The following IMMP2L variants were observed in gnomAD, a reference collection of about 807,000 sequenced individuals.
The protein encoded by IMMP2L is mitochondrial inner membrane protease subunit 2.
A neutral mutation model predicts 19.3 loss-of-function variants in IMMP2L; 18 were observed. The ratio of observed to expected loss-of-function variants is 0.93; its 90% confidence interval spans 0.64 to 1.38. The LOEUF is 1.38. IMMP2L is among the 40% of genes most tolerant of loss of function. The pLI is 0.00. For synonymous variants in IMMP2L, 76 were observed against 73.0 expected (o/e 1.04, Z -0.21); for missense variants, 233 against 218.2 (o/e 1.07, Z -0.43).
At chr7:111,121,500 C>G in intron 3 of IMMP2L, among the ~76,000 whole-genome samples, 1 of 152,236 alleles carries the variant, frequency 6.6e-6, no homozygotes, top group African/African-American at 2.4e-5. Context: ...CACTGGCCAT[C>G]AGAGAAATGC....
chr7:111,342,999 A>G, intron 3 of IMMP2L, among the ~76,000 whole-genome samples: 1 of 152,078 alleles, frequency 6.6e-6, no homozygotes, highest in East Asian at 1.9e-4. Context: ...TTCAGTGAGG[A>G]CCTGTTTATA....
rs143884565 is a variant in IMMP2L at position 111,515,971 on chromosome 7, A to G, written c.135+5342T>C. The stretch of plus-strand genomic sequence containing the variant: ...TATAAACAGGCACCAAAACAGTGAC[A>G]AGGCACAACTTTTATTAGTTATTAT... On this transcript the variant is annotated intron_variant, in intron 2 of 5. Coordinates refer to ENST00000405709, the MANE Select transcript of IMMP2L (RefSeq NM_032549.4). Among the ~76,000 whole-genome samples, 669 of 152,248 alleles carry G rather than the reference A, an allele frequency of 4.4e-3. 20 individuals are homozygous for G. Among genetic ancestry groups the G allele is most frequent in the Admixed American group, 0.039 (590 of 15,270 alleles).
At chr7:110,946,718 C>CTTTTT (rs754971058) in intron 4 of IMMP2L, among the ~76,000 whole-genome samples, 1,168 of 114,056 alleles carry the variant, frequency 0.01, 42 homozygotes, top group African/African-American at 0.02. Context: ...CATTTAATAC[C>CTTTTT]TTTTTTTTTT....
chr7:110,744,844 C>T (rs963334060), intron 5 of IMMP2L, among the ~76,000 whole-genome samples: 1 of 152,160 alleles, frequency 6.6e-6, no homozygotes, highest in Non-Finnish European at 1.5e-5. Flanking sequence ...GCTTCTTCTC[C>T]TCCAAAGGAT....
Position 110,712,955 on chromosome 7 carries a change from G to A in IMMP2L, c.409-49234C>T, listed in dbSNP as rs183966442. Among the ~76,000 whole-genome samples the A allele has an allele frequency of 5.1e-3, 767 of 151,002 alleles. 5 individuals are homozygous for A. The highest frequency in any genetic ancestry group is 0.012 in the Admixed American group (183 of 15,186). ...ACCCGGTACCTCAGATGGAAATGCAGAAATCACCCGTCTTCTGCGTCACTC... is the reference window on the plus strand; with the variant it reads ...ACCCGGTACCTCAGATGGAAATGCAAAAATCACCCGTCTTCTGCGTCACTC... On this transcript the variant is annotated intron_variant, in intron 5 of 5. Coordinates refer to ENST00000405709, the MANE Select transcript of IMMP2L (RefSeq NM_032549.4).
intron 3 of IMMP2L, among the ~76,000 whole-genome samples, chr7:111,268,569 C>CCTTTTTTT (rs1818082378): frequency 2.2e-5 from 1 of 44,562 alleles, no homozygotes; most frequent in Non-Finnish European, 3.8e-5. Context: ...TCACATTTCT[C>CCTTTTTTT]TTTTTTTTTT....
At chr7:111,039,541 TA>T (rs1791678641) in intron 3 of IMMP2L, among the ~76,000 whole-genome samples, 1 of 152,144 alleles carries the variant, frequency 6.6e-6, no homozygotes, top group South Asian at 2.1e-4. Context: ...CAAGTATAGA[TA>T]GCGCAATTCA....
rs1027209602 is a variant in IMMP2L at position 111,493,429 on chromosome 7, G to A, written c.136-6088C>T. Among the ~76,000 whole-genome samples, 7 of 152,104 alleles carry A rather than the reference G, an allele frequency of 4.6e-5. No homozygotes were observed. In the South Asian group the frequency reaches 6.2e-4, roughly 14 times the overall value. ...TAAAAAGAAAAAAAACAGGCCGGGC[G>A]CAGTGGCTCACGCCTGTAATCCCAG... On this transcript the variant is annotated intron_variant, in intron 2 of 5. Coordinates refer to ENST00000405709, the MANE Select transcript of IMMP2L (RefSeq NM_032549.4).
intron 3 of IMMP2L, among the ~76,000 whole-genome samples, chr7:111,242,453 C>T (rs570139861): frequency 6.6e-6 from 1 of 152,152 alleles, no homozygotes; most frequent in East Asian, 1.9e-4. Flanking sequence ...AACTACATCA[C>T]AACACTTCAC....
intron 3 of IMMP2L, among the ~76,000 whole-genome samples, chr7:111,096,589 C>G (rs993355743): frequency 1.3e-5 from 2 of 151,214 alleles, no homozygotes; most frequent in Admixed American, 6.6e-5. Flanking sequence ...ACCTACTCAT[C>G]CATATGTTTG....
chr7:111,036,351 T>C lies in IMMP2L; in HGVS notation c.240-72786A>G, dbSNP rs537887235. On this transcript the variant is annotated intron_variant, in intron 3 of 5. Transcript: ENST00000405709. ...AAAGCCCCAGGTAAGTCATCTCCCC[T>C]TTGGGGCCTCAGCTTTCTCATTCTT... is the stretch of plus-strand genomic sequence containing the variant. Among the ~76,000 whole-genome samples the C allele has an allele frequency of 3.3e-5, 5 of 152,292 alleles. 1 individual carries two copies. The highest frequency in any genetic ancestry group is 1.2e-4 in the African/African-American group (5 of 41,580).
intron 3 of IMMP2L, among the ~76,000 whole-genome samples, chr7:111,004,775 T>G (rs1246590430): frequency 1.3e-5 from 2 of 152,188 alleles, no homozygotes; most frequent in African/African-American, 2.4e-5. Context: ...GGGCATGATT[T>G]TTCTGTTACT....
intron 4 of IMMP2L, among the ~76,000 whole-genome samples, chr7:110,900,872 T>C (rs1262210028): frequency 1.3e-5 from 2 of 152,078 alleles, no homozygotes; most frequent in Non-Finnish European, 2.9e-5. Context: ...TGGGAATTAC[T>C]GTCTTATACC....
At chr7:110,978,016 G>A (rs1007810688) in intron 3 of IMMP2L, among the ~76,000 whole-genome samples, 7 of 151,808 alleles carry the variant, frequency 4.6e-5, no homozygotes, top group Non-Finnish European at 1.0e-4. Context: ...TGTTCCTCAC[G>A]AAAAACTAGG....
intron 3 of IMMP2L, among the ~76,000 whole-genome samples, chr7:111,129,881 A>C (rs916043253): frequency 6.6e-6 from 1 of 152,216 alleles, no homozygotes; most frequent in African/African-American, 2.4e-5. Context: ...TCCAATTATA[A>C]GAAAAATTAT....
intron 3 of IMMP2L, among the ~76,000 whole-genome samples, chr7:111,375,517 G>A (rs77430069): frequency 0.021 from 3,261 of 151,696 alleles, 122 homozygotes; most frequent in African/African-American, 0.075. Context: ...GATTTCCTGA[G>A]TTTGGTAAAA....
At chr7:111,322,805 A>G (rs900482077) in intron 3 of IMMP2L, among the ~76,000 whole-genome samples, 3 of 151,928 alleles carry the variant, frequency 2.0e-5, no homozygotes, top group Admixed American at 6.6e-5. Context: ...GCACTTCTCC[A>G]AAGAAAATCC....
rs1246971204 is a variant in IMMP2L at position 111,213,818 on chromosome 7, T to C, written c.240-250253A>G. Among the ~76,000 whole-genome samples the C allele has an allele frequency of 6.6e-6, 1 of 152,202 alleles. No homozygotes were observed. Among genetic ancestry groups the C allele is most frequent in the Non-Finnish European group, 1.5e-5 (1 of 68,034 alleles). On this transcript the variant is annotated intron_variant, in intron 3 of 5. Transcript: ENST00000405709. This position sits in a 1 kb window ranked among gnomAD's most constrained non-coding sequence, Gnocchi z 4.8. ...GGAATGACCTGCCTGCGGAGAGCTA[T>C]CCAACGTGGGTCTCCTCGGAGCTGT...
chr7:111,015,118 G>C (rs1465788714), intron 3 of IMMP2L, among the ~76,000 whole-genome samples: 4 of 152,094 alleles, frequency 2.6e-5, no homozygotes. Context: ...GTTCACAGCA[G>C]CAATAGTCAC....
Sources: gnomAD v4.1 joint callset for allele counts (sites outside exome capture counted in the v4.1 genomes callset) on GRCh38, gnomAD v4.1.1 for gene constraint, Gnocchi (gnomAD v3.1) non-coding constraint, MANE v1.5 for transcripts, NCBI Gene and HGNC (gene_info 2026-07-23, HGNC 2026-07-21) for gene names.